NXN: variants seen among roughly 807,000 people sequenced by gnomAD.
The protein encoded by NXN is nucleoredoxin, also known as nucleoredoxin 1.
NXN carries 16 observed loss-of-function variants against 48.6 expected under a neutral mutation model. The ratio of observed to expected loss-of-function variants is 0.33; its 90% CI spans 0.22 to 0.50. The LOEUF (loss-of-function observed/expected upper bound fraction) is 0.50. Among genes scored for constraint, NXN ranks in the 20% least tolerant of loss-of-function variants. The pLI, the probability that NXN is intolerant of heterozygous loss-of-function variation, is 0.98. For synonymous variants in NXN, 281 were observed against 269.6 expected, an observed-to-expected ratio of 1.04 and a Z score of -0.41; for missense variants, 492 against 605.5, an observed-to-expected ratio of 0.81 and a Z score of 1.97.
chr17:931,181 G>A (rs2068849480), intron 1 of NXN, among the ~76,000 whole-genome samples: 1 of 152,012 alleles, frequency 6.6e-6, no homozygotes, highest in Non-Finnish European at 1.5e-5. Flanking sequence ...CAACGACACA[G>A]GAGGCTGAGG....
At chr17:945,378 T>G (rs1355620337) in intron 1 of NXN, among the ~76,000 whole-genome samples, 1 of 151,742 alleles carries the variant, frequency 6.6e-6, no homozygotes, top group Non-Finnish European at 1.5e-5. Flanking sequence ...CACTGTGCCC[T>G]GCCCCCAAGT....
intron 1 of NXN, among the ~76,000 whole-genome samples, chr17:882,805 C>T (rs1245561196): frequency 6.6e-6 from 1 of 152,140 alleles, no homozygotes; most frequent in East Asian, 1.9e-4. Context: ...CTCTGTCGCC[C>T]AGGCTGGAGT....
intron 1 of NXN, among the ~76,000 whole-genome samples, chr17:945,086 T>A (rs2069027145): frequency 6.6e-6 from 1 of 152,076 alleles, no homozygotes; most frequent in Non-Finnish European, 1.5e-5. Context: ...TATTTCTCTT[T>A]ATTTTTTATT....
chr17:817,846 C>T (rs977607882), intron 5 of NXN, among the ~76,000 whole-genome samples: 4 of 152,174 alleles, frequency 2.6e-5, no homozygotes, highest in Admixed American at 6.5e-5. Flanking sequence ...ACAAAGAGAA[C>T]GCGTTTAACT....
intron 1 of NXN, among the ~76,000 whole-genome samples, chr17:951,853 A>G (rs1270018659): frequency 1.3e-5 from 2 of 152,056 alleles, no homozygotes; most frequent in Non-Finnish European, 2.9e-5. Context: ...GAAAGCAATG[A>G]GCTCGGCACA....
chr17:944,279 C>A (rs1567512955), intron 1 of NXN, among the ~76,000 whole-genome samples: 1 of 152,150 alleles, frequency 6.6e-6, no homozygotes, highest in Non-Finnish European at 1.5e-5. Flanking sequence ...GCTACGCAGC[C>A]TGTTTATTAA....
intron 1 of NXN, among the ~76,000 whole-genome samples, chr17:960,850 A>G (rs1445598478): frequency 6.8e-6 from 1 of 147,464 alleles, no homozygotes; most frequent in Non-Finnish European, 1.5e-5. Flanking sequence ...CAGTGGCGCA[A>G]TCTCGGCTCA....
chr17:923,308 C>T (rs563131047), intron 1 of NXN, among the ~76,000 whole-genome samples: 66 of 152,248 alleles, frequency 4.3e-4, no homozygotes, highest in African/African-American at 1.2e-3. Context: ...AAAATAACCA[C>T]GTTGGTGCAA....
intron 5 of NXN, among the ~76,000 whole-genome samples, chr17:817,561 G>A (rs1258514345): frequency 6.6e-6 from 1 of 151,852 alleles, no homozygotes; most frequent in Non-Finnish European, 1.5e-5. Context: ...CCCAGCTACT[G>A]GGGAGGCTGA....
At chr17:809,536 C>T (rs956473331) in intron 5 of NXN, among the ~76,000 whole-genome samples, 58 of 152,164 alleles carry the variant, frequency 3.8e-4, no homozygotes, top group African/African-American at 1.3e-3. Context: ...CAGAGAGGAG[C>T]GGGCAGGGCT....
rs1036076625 is a variant in NXN at position 897,092 on chromosome 17, G to A, written c.361-71014C>T. The A allele has an allele frequency of 2.9e-5, 30 of 1,036,362 alleles. No homozygotes were observed. In the African/African-American group the frequency reaches 4.4e-4, roughly 15 times the overall value. 64.2% of individuals were successfully genotyped at this position (1,036,362 alleles called of 1,614,324 possible). A position where few individuals can be genotyped will look rare whatever the true frequency, so the allele number is the denominator to read the frequency against. On this transcript the variant is annotated intron_variant, in intron 1 of 7. Transcript: ENST00000336868. Reference sequence around the variant, plus strand: ...TGACAGCCAGGGACTGGTAACCCACGGCCACCGCGCCCAAGAAAATTATTT... The same window carrying A: ...TGACAGCCAGGGACTGGTAACCCACAGCCACCGCGCCCAAGAAAATTATTT...
chr17:936,636 T>G (rs772681013), intron 1 of NXN, among the ~76,000 whole-genome samples: 17 of 150,110 alleles, frequency 1.1e-4, no homozygotes, highest in Non-Finnish European at 2.1e-4. Context: ...ATTCTGGTTG[T>G]GCAAACAGTG....
intron 1 of NXN, among the ~76,000 whole-genome samples, chr17:963,260 A>ATT (rs11381662): frequency 4.1e-5 from 6 of 148,128 alleles, no homozygotes; most frequent in African/African-American, 1.5e-4. Flanking sequence ...TTTATTTGAA[A>ATT]TTTTTTTTTT....
At chr17:915,549 T>C (rs2068680250) in intron 1 of NXN, among the ~76,000 whole-genome samples, 1 of 152,144 alleles carries the variant, frequency 6.6e-6, no homozygotes. Flanking sequence ...CCTCCCAAAG[T>C]GCTGGGATTA....
At chr17:826,663 G>GC (rs1325925953) in intron 1 of NXN, among the ~76,000 whole-genome samples, 1 of 152,182 alleles carries the variant, frequency 6.6e-6, no homozygotes, top group Non-Finnish European at 1.5e-5. Flanking sequence ...GTTAACATCT[G>GC]CCCCCTCAGC....
At chr17:942,974 T>C (rs534755369) in intron 1 of NXN, among the ~76,000 whole-genome samples, 90 of 95,474 alleles carry the variant, frequency 9.4e-4, no homozygotes, top group African/African-American at 2.4e-3. Context: ...GATTCCAGGG[T>C]GCAGCCATGA....
intron 1 of NXN, among the ~76,000 whole-genome samples, chr17:936,651 A>G (rs890041883): frequency 1.3e-5 from 2 of 150,752 alleles, no homozygotes; most frequent in Admixed American, 6.7e-5. Context: ...ACAGTGAGGG[A>G]AAAAAAGGGT....
At chr17:927,013 G>C (rs932285663) in intron 1 of NXN, among the ~76,000 whole-genome samples, 1 of 150,380 alleles carries the variant, frequency 6.6e-6, no homozygotes, top group Non-Finnish European at 1.5e-5. Flanking sequence ...GAAAAGGGAG[G>C]TAAGAGAAGC....
intron 1 of NXN, among the ~76,000 whole-genome samples, chr17:841,391 G>A (rs117167327): frequency 0.33 from 18,210 of 54,674 alleles, 1,608 homozygotes; most frequent in African/African-American, 0.37. Context: ...TGCATCTCAC[G>A]CCGGCGAGCA....
Sources: allele counts gnomAD v4.1 joint callset (sites outside exome capture counted in the v4.1 genomes callset), GRCh38; gene constraint gnomAD v4.1.1; transcripts MANE v1.5; gene names NCBI Gene and HGNC (gene_info 2026-07-23, HGNC 2026-07-21).